C10orf71: variants seen among roughly 807,000 people sequenced by gnomAD.
The protein encoded by C10orf71 is chromosome 10 open reading frame 71, also known as cardiac-enriched FHL2-interacting protein.
For synonymous variants in C10orf71, 758 were observed against 726.3 expected (o/e 1.04, Z -0.70); for missense variants, 1,869 against 1,804.5 (o/e 1.04, Z -0.65).
At position 49,323,097 on chromosome 10, in the gene C10orf71, C is replaced by T. The variant is rs774253326; in HGVS notation, c.552C>T (p.Val184=). The T allele has an allele frequency of 6.2e-7, 1 of 1,614,042 alleles. No homozygotes were observed. The highest frequency in any genetic ancestry group is 1.3e-5 in the African/African-American group (1 of 75,058). ...TCGCTCCTCTTCCAGAAAACAGTGT[C>T]AACTTCTGCTTCGATTCTGCCTTTC... ...PKFAPLPENS[V]NFCFDSAFLT... Residue 184 remains valine, a synonymous_variant, in exon 3 of 3, where the codon GTC becomes GTT. Transcript: ENST00000374144.
At chr10:49,306,891 C>T (rs142189211) in intron 1 of C10orf71, among the ~76,000 whole-genome samples, 1 of 152,320 alleles carries the variant, frequency 6.6e-6, no homozygotes, top group Non-Finnish European at 1.5e-5. Context: ...CAGCAGCTGG[C>T]CTGGCAGTGG....
At chr10:49,315,415 C>T (rs1229388616) in intron 1 of C10orf71, among the ~76,000 whole-genome samples, 1 of 152,186 alleles carries the variant, frequency 6.6e-6, no homozygotes, top group Non-Finnish European at 1.5e-5. Context: ...AGACTCAAGC[C>T]TCCTGCCAAC....
chr10:49,313,827 G>A (rs570940101), intron 1 of C10orf71, among the ~76,000 whole-genome samples: 30 of 152,196 alleles, frequency 2.0e-4, no homozygotes, highest in Non-Finnish European at 3.1e-4. Flanking sequence ...CAGGGGCACC[G>A]AGTTGCCTGG....
In C10orf71 at chr10:49,326,181, G is replaced by A. The variant is rs1318482785; in HGVS notation, c.3636G>A (p.Glu1212=). The A allele has an allele frequency of 3.2e-6, 5 of 1,551,596 alleles. No individual in the cohort carries two copies. Among genetic ancestry groups the A allele is most frequent in the Non-Finnish European group, 4.4e-6 (5 of 1,146,984 alleles). ...GESQEGKPCP[E]DLEQTQQRPL... Reference sequence around the variant, plus strand: ...CACAGGAGGGAAAGCCCTGCCCGGAGGACTTGGAGCAGACACAGCAAAGGC... The same window carrying A: ...CACAGGAGGGAAAGCCCTGCCCGGAAGACTTGGAGCAGACACAGCAAAGGC... The change falls in exon 3 of 3, where the codon GAG becomes GAA. Residue 1212 remains glutamate, a synonymous_variant. Coordinates refer to ENST00000374144, the MANE Select transcript of C10orf71 (RefSeq NM_001135196.2).
At chr10:49,319,733 TAC>T (rs1200887272) in intron 2 of C10orf71, among the ~76,000 whole-genome samples, 2 of 84,980 alleles carry the variant, frequency 2.4e-5, no homozygotes, top group African/African-American at 4.2e-5. Flanking sequence ...TATATATATA[TAC>T]ACATACATAT....
Position 49,326,716 on chromosome 10 carries a change from G to A in C10orf71, c.4171G>A (p.Asp1391Asn). 3 of 1,551,282 alleles carry A rather than the reference G, an allele frequency of 1.9e-6. No homozygotes were observed. The highest frequency in any genetic ancestry group is 1.7e-6 in the Non-Finnish European group (2 of 1,146,992). The change falls in exon 3 of 3, where the codon GAC becomes AAC. Residue 1391 changes from aspartate to asparagine, a missense_variant. Transcript: ENST00000374144. ...ACAGCTGGACCCAGGGCCTCACGGTGACTGCACCCCGCACTCTGCAGGCCA... is the reference window on the plus strand; with the variant it reads ...ACAGCTGGACCCAGGGCCTCACGGTAACTGCACCCCGCACTCTGCAGGCCA... ...GLQLDPGPHG[D>N]CTPHSAGQRP...
Position 49,322,600 on chromosome 10 carries a change from G to T in C10orf71, c.55G>T (p.Gly19Cys). ...CGCGTTCAGCGACTCCTCCAGCATC[G>T]GCAGCGTGTTGGATGATGCAGACAG... ...TDAFSDSSSI[G>C]SVLDDADREV... Residue 19 changes from glycine (G) to cysteine (C), a missense_variant, in exon 3 of 3, where the codon GGC (glycine) becomes TGC (cysteine). Coordinates refer to ENST00000374144, the MANE Select transcript of C10orf71 (RefSeq NM_001135196.2). The T allele has an allele frequency of 6.2e-7, 1 of 1,612,680 alleles. No individual in the cohort carries two copies. The highest frequency in any genetic ancestry group is 8.5e-7 in the Non-Finnish European group (1 of 1,179,268).
At chr10:49,305,892 G>C (rs1023255599) in intron 1 of C10orf71, among the ~76,000 whole-genome samples, 2 of 152,232 alleles carry the variant, frequency 1.3e-5, no homozygotes, top group African/African-American at 2.4e-5. Flanking sequence ...ACTAAGTTGT[G>C]AAGAGGTTTT....
In C10orf71 at chr10:49,306,977, G is replaced by T. The variant is rs147894662; in HGVS notation, c.-248+7744G>T. Among the ~76,000 whole-genome samples, 626 of 152,326 alleles carry T rather than the reference G, an allele frequency of 4.1e-3. 6 individuals are homozygous for T. Among genetic ancestry groups the T allele is most frequent in the African/African-American group, 0.015 (606 of 41,570 alleles). On this transcript the variant is annotated intron_variant, in intron 1 of 2. Transcript: ENST00000374144. The stretch of plus-strand genomic sequence containing the variant: ...AAGGATGAGCAGCAGAACCATGGCT[G>T]CCAGGCTGACCCTGCTTTCTCCCAA...
Position 49,324,846 on chromosome 10 carries a change from G to A in C10orf71, c.2301G>A (p.Lys767=), listed in dbSNP as rs1849187495. ...ATGTGAGTGCAGGTGACAGTCAGAA[G>A]GATGAGAAGGAGAATGTGATGCGGA... ...RKDVSAGDSQ[K]DEKENVMRKD... The change falls in exon 3 of 3, where the codon AAG becomes AAA. Residue 767 remains lysine, a synonymous_variant. Transcript: ENST00000374144. 1.9e-6 allele frequency: 3 copies of A among 1,551,938 alleles called. No individual in the cohort carries two copies. Among genetic ancestry groups the A allele is most frequent in the African/African-American group, 2.7e-5 (2 of 73,172 alleles).
intron 1 of C10orf71, among the ~76,000 whole-genome samples, chr10:49,313,213 C>G (rs190306464): frequency 9.1e-4 from 138 of 152,278 alleles, no homozygotes; most frequent in African/African-American, 3.0e-3. Context: ...GAAGCTGCAT[C>G]ATCAAAGGGA....
Position 49,326,638 on chromosome 10 carries a change from C to G in C10orf71, c.4093C>G (p.Pro1365Ala). Residue 1365 changes from proline to alanine, a missense_variant, in exon 3 of 3, where the codon CCT (proline) becomes GCT (alanine). Transcript: ENST00000374144. ...CGCGCCCACCTTCCTCAGGCAGGGCCCTCGTGCCTCCGCGGCCCGCGCCAG... is the reference window on the plus strand; with the variant it reads ...CGCGCCCACCTTCCTCAGGCAGGGCGCTCGTGCCTCCGCGGCCCGCGCCAG... ...LSAPTFLRQG[P>A]RASAARARTQ... 1 of 1,550,166 alleles carries G rather than the reference C, an allele frequency of 6.5e-7. No individual in the cohort carries two copies. The highest frequency in any genetic ancestry group is 8.7e-7 in the Non-Finnish European group (1 of 1,146,858).
At chr10:49,320,200 G>T (rs1332576203) in intron 2 of C10orf71, among the ~76,000 whole-genome samples, 1 of 152,216 alleles carries the variant, frequency 6.6e-6, no homozygotes, top group Middle Eastern at 3.2e-3. Flanking sequence ...GAGTCCCCAG[G>T]GATGTAGAGT....
chr10:49,327,143 T>G lies in C10orf71; in HGVS notation c.*290T>G. The G allele has an allele frequency of 4.3e-6, 4 of 931,834 alleles. No homozygotes were observed. The highest frequency in any genetic ancestry group is 4.5e-6 in the Non-Finnish European group (3 of 669,874). 57.7% of individuals were successfully genotyped at this position (931,834 alleles called of 1,614,324 possible). ...CTCTACTCCAGCCCTTCTCCCTCCC[T>G]CCCTTCCTCCCTCTCCTGGCCCACC... On this transcript the variant is annotated 3_prime_UTR_variant, in exon 3 of 3. Coordinates refer to ENST00000374144, the MANE Select transcript of C10orf71 (RefSeq NM_001135196.2).
In C10orf71 at chr10:49,305,415, G is replaced by A. The variant is rs960773136; in HGVS notation, c.-248+6182G>A. The stretch of plus-strand genomic sequence containing the variant: ...GCTACACACGTTTCTCCTCTGTAAA[G>A]AACAAGAGTAACTCCTGTGTAATGA... On this transcript the variant is annotated intron_variant, in intron 1 of 2. Transcript: ENST00000374144. Among the ~76,000 whole-genome samples the A allele has an allele frequency of 2.6e-5, 4 of 152,268 alleles. No homozygotes were observed. In the South Asian group the frequency reaches 8.3e-4, roughly 32 times the overall value.
In C10orf71 at chr10:49,324,147, G is replaced by A. The variant is rs923314523; in HGVS notation, c.1602G>A (p.Lys534=). The A allele has an allele frequency of 1.2e-6, 2 of 1,613,888 alleles. No homozygotes were observed. The highest frequency in any genetic ancestry group is 3.3e-5 in the Admixed American group (2 of 60,010). ...AAACTAGAGGTAAGGTTGATGGAAA[G>A]CAAGAACCTGTGAGCAACGGTGTCA... The part of the protein sequence containing the change: ...DEKTRGKVDG[K]QEPVSNGVIL... The change falls in exon 3 of 3, where the codon AAG becomes AAA. Residue 534 remains lysine (K), a synonymous_variant. Coordinates refer to ENST00000374144, the MANE Select transcript of C10orf71 (RefSeq NM_001135196.2).
chr10:49,306,279 TC>T (rs1337248402), intron 1 of C10orf71, among the ~76,000 whole-genome samples: 2 of 152,224 alleles, frequency 1.3e-5, no homozygotes, highest in African/African-American at 4.8e-5. Flanking sequence ...CCATGAAAAT[TC>T]CTGTGTCCAG....
intron 1 of C10orf71, among the ~76,000 whole-genome samples, chr10:49,300,772 G>C (rs1317215247): frequency 6.6e-6 from 1 of 152,198 alleles, no homozygotes; most frequent in African/African-American, 2.4e-5. Flanking sequence ...CTGCCCCTGG[G>C]TCTCTGGGAA....
chr10:49,297,070 G>A (rs949178641), upstream of C10orf71, among the ~76,000 whole-genome samples: 7 of 152,310 alleles, frequency 4.6e-5, no homozygotes, highest in East Asian at 1.9e-4. Flanking sequence ...AACACCATTC[G>A]CTCCTGCTGC....
Sources: allele counts gnomAD v4.1 joint callset (sites outside exome capture counted in the v4.1 genomes callset), GRCh38; gene constraint gnomAD v4.1.1; transcripts MANE v1.5; gene names NCBI Gene and HGNC (gene_info 2026-07-23, HGNC 2026-07-21).